Variants in CLSTN2 observed in about 807,000 individuals in gnomAD.
The protein encoded by CLSTN2 is calsyntenin 2.
In CLSTN2, 48 loss-of-function variants were observed where a neutral mutation model predicts 101.2. The ratio of observed to expected loss-of-function variants is 0.47; its 90% CI spans 0.38 to 0.60. CLSTN2 has a LOEUF of 0.60. CLSTN2 is among the 20% of genes least tolerant of loss of function. The pLI is 0.00. For missense variants in CLSTN2, 1,160 were observed against 1,238.2 expected (o/e 0.94, Z 0.95); for synonymous variants, 481 against 463.6 (o/e 1.04, Z -0.48).
intron 1 of CLSTN2, among the ~76,000 whole-genome samples, chr3:140,034,393 G>C (rs113862133): frequency 2.6e-5 from 4 of 152,172 alleles, no homozygotes; most frequent in African/African-American, 9.7e-5. Flanking sequence ...GTCAGAAAGA[G>C]GGAATAAAAA....
intron 1 of CLSTN2, among the ~76,000 whole-genome samples, chr3:140,101,272 G>C (rs1046690497): frequency 6.6e-6 from 1 of 152,094 alleles, no homozygotes; most frequent in African/African-American, 2.4e-5. Context: ...TTTCATGCTG[G>C]CCATAGACTT....
intron 8 of CLSTN2, among the ~76,000 whole-genome samples, chr3:140,504,239 C>G (rs1419596377): frequency 6.6e-6 from 1 of 152,056 alleles, no homozygotes; most frequent in African/African-American, 2.4e-5. Context: ...GTTTATGGAC[C>G]TTTTCATGAG....
rs996400499 is a variant in CLSTN2, at chr3:140,571,736, C to T, written c.*5483C>T. ...CTTTACTTTATAGATGTATTCTATA[C>T]CTGCTATGTAGATAATGCTCTAGTT... On this transcript the variant is annotated 3_prime_UTR_variant, in exon 17 of 17. Coordinates refer to ENST00000458420, the MANE Select transcript of CLSTN2 (RefSeq NM_022131.3). The T allele has an allele frequency of 3.9e-5, 6 of 152,264 alleles. No individual in the cohort carries two copies. Among genetic ancestry groups the T allele is most frequent in the Non-Finnish European group, 7.3e-5 (5 of 68,054 alleles). The allele number at this position is 152,264 out of a possible 1,614,324, so 9.4% of individuals were successfully genotyped here. A position where few individuals can be genotyped will look rare whatever the true frequency, so the allele number is the denominator to read the frequency against.
intron 2 of CLSTN2, among the ~76,000 whole-genome samples, chr3:140,371,945 A>G (rs546131496): frequency 6.6e-6 from 1 of 152,264 alleles, no homozygotes; most frequent in East Asian, 1.9e-4. Flanking sequence ...GAGGCCAGAG[A>G]GACCAAGCCA....
At chr3:140,394,550 A>G (rs1208731472) in intron 2 of CLSTN2, among the ~76,000 whole-genome samples, 1 of 152,240 alleles carries the variant, frequency 6.6e-6, no homozygotes, top group East Asian at 1.9e-4. Context: ...AGGAGGCAAG[A>G]TTAAGCCATC....
At chr3:140,245,371 G>A (rs2086506830) in intron 2 of CLSTN2, among the ~76,000 whole-genome samples, 1 of 151,308 alleles carries the variant, frequency 6.6e-6, no homozygotes, top group African/African-American at 2.5e-5. Flanking sequence ...GGTGAATACA[G>A]AAATGAAGAA....
intron 2 of CLSTN2, among the ~76,000 whole-genome samples, chr3:140,293,580 A>T (rs1266445570): frequency 6.6e-6 from 1 of 152,182 alleles, no homozygotes; most frequent in East Asian, 1.9e-4. Context: ...TGAAATTAAG[A>T]TATATTTAGG....
intron 1 of CLSTN2, among the ~76,000 whole-genome samples, chr3:140,083,097 T>C (rs920949213): frequency 1.3e-5 from 2 of 152,252 alleles, no homozygotes; most frequent in African/African-American, 4.8e-5. Context: ...TGCTGGACAC[T>C]ATATGGCTCA....
intron 4 of CLSTN2, among the ~76,000 whole-genome samples, chr3:140,414,467 T>C (rs13085959): frequency 0.13 from 19,921 of 151,950 alleles, 1,637 homozygotes; most frequent in African/African-American, 0.23. Flanking sequence ...TACTCAGGAA[T>C]TGAAAGCCAA....
chr3:140,139,510 CTCTT>C (rs536545048), intron 1 of CLSTN2, among the ~76,000 whole-genome samples: 7 of 152,280 alleles, frequency 4.6e-5, no homozygotes, highest in East Asian at 1.9e-4. Flanking sequence ...GCTTTAAAAA[CTCTT>C]CCTTCCTGCA....
At chr3:140,547,736 G>C (rs1357286636) in intron 10 of CLSTN2, among the ~76,000 whole-genome samples, 1 of 152,154 alleles carries the variant, frequency 6.6e-6, no homozygotes, top group Non-Finnish European at 1.5e-5. Context: ...GCGAGCACTT[G>C]TTGGCACCTG....
intron 1 of CLSTN2, among the ~76,000 whole-genome samples, chr3:139,980,390 C>T (rs1560060596): frequency 1.3e-5 from 2 of 152,126 alleles, no homozygotes; most frequent in Non-Finnish European, 2.9e-5. Flanking sequence ...TGCTCTTTCA[C>T]TTCATTTAAG....
intron 1 of CLSTN2, among the ~76,000 whole-genome samples, chr3:139,975,244 A>G (rs1305696699): frequency 3.9e-5 from 6 of 152,092 alleles, no homozygotes; most frequent in Non-Finnish European, 8.8e-5. Flanking sequence ...GGTAGGGCTG[A>G]GGAAGTCTGC....
At chr3:140,103,381 G>A (rs1404090035) in intron 1 of CLSTN2, among the ~76,000 whole-genome samples, 1 of 152,184 alleles carries the variant, frequency 6.6e-6, no homozygotes, top group Non-Finnish European at 1.5e-5. Context: ...CCTCCATAGT[G>A]TGCTTTCAGA....
In CLSTN2 at chr3:140,576,964, T is replaced by C. The variant is rs562968943; in HGVS notation, c.*10711T>C. ...AATCTAATTTCAGAAGAGCGCACTG[T>C]CTTCTCAGTCAACAAGGTTGCCCAG... On this transcript the variant is annotated 3_prime_UTR_variant, in exon 17 of 17. Coordinates refer to ENST00000458420, the MANE Select transcript of CLSTN2 (RefSeq NM_022131.3). The C allele has an allele frequency of 6.6e-6, 1 of 152,340 alleles. No individual in the cohort carries two copies. Among genetic ancestry groups the C allele is most frequent in the South Asian group, 2.1e-4 (1 of 4,822 alleles). The allele number at this position is 152,340 out of a possible 1,614,324, so 9.4% of individuals were successfully genotyped here. A position where few individuals can be genotyped will look rare whatever the true frequency, so the allele number is the denominator to read the frequency against.
At chr3:140,154,567 C>CA (rs1319690008) in intron 1 of CLSTN2, among the ~76,000 whole-genome samples, 1 of 150,330 alleles carries the variant, frequency 6.7e-6, no homozygotes, top group Non-Finnish European at 1.5e-5. Flanking sequence ...AACTTACCAT[C>CA]ATGGCAGAAG....
chr3:140,419,502 T>A (rs1344721562), intron 4 of CLSTN2, among the ~76,000 whole-genome samples: 54 of 54,498 alleles, frequency 9.9e-4, no homozygotes, highest in East Asian at 3.0e-3. Context: ...AAAATATATA[T>A]ATATATATAT....
At chr3:140,317,319 G>A (rs1394328750) in intron 2 of CLSTN2, among the ~76,000 whole-genome samples, 1 of 152,138 alleles carries the variant, frequency 6.6e-6, no homozygotes, top group Non-Finnish European at 1.5e-5. Flanking sequence ...GTTTCCTCAA[G>A]TGGTTGGAAG....
At chr3:140,358,124 G>T (rs1416799588) in intron 2 of CLSTN2, among the ~76,000 whole-genome samples, 2 of 152,100 alleles carry the variant, frequency 1.3e-5, no homozygotes, top group Admixed American at 6.5e-5. Flanking sequence ...TTAGAAGGTG[G>T]CCAACCAATG....
Sources: allele counts gnomAD v4.1 joint callset (sites outside exome capture counted in the v4.1 genomes callset), GRCh38; gene constraint gnomAD v4.1.1; transcripts MANE v1.5; gene names NCBI Gene and HGNC (gene_info 2026-07-23, HGNC 2026-07-21).